The following RUBCNL variants were observed in gnomAD, a reference collection of about 807,000 sequenced individuals.
RUBCNL encodes protein associated with UVRAG as autophagy enhancer.
RUBCNL carries 62 observed loss-of-function variants against 69.5 expected under a neutral mutation model. The ratio of observed to expected loss-of-function variants is 0.89; its 90% CI spans 0.73 to 1.10. The LOEUF (loss-of-function observed/expected upper bound fraction) is 1.10, where lower values mean the gene tolerates loss of function less well. Among genes scored for constraint, RUBCNL ranks in the 50% least tolerant of loss-of-function variants. RUBCNL has a pLI of 0.00. For synonymous variants in RUBCNL, 291 were observed against 303.6 expected, an observed-to-expected ratio of 0.96 and a Z score of 0.43; for missense variants, 768 against 798.1, an observed-to-expected ratio of 0.96 and a Z score of 0.45.
At chr13:46,370,357 A>T (rs922384436) in intron 3 of RUBCNL, among the ~76,000 whole-genome samples, 1 of 152,246 alleles carries the variant, frequency 6.6e-6, no homozygotes, top group Non-Finnish European at 1.5e-5. Context: ...CTTTCCCTAA[A>T]GTATTTTCTG....
At chr13:46,371,324 T>TA (rs2048870480) in intron 3 of RUBCNL, among the ~76,000 whole-genome samples, 1 of 152,224 alleles carries the variant, frequency 6.6e-6, no homozygotes, top group African/African-American at 2.4e-5. Context: ...ATTATAACAA[T>TA]AATAGCTAAT....
chr13:46,353,029 G>A (rs2048404811), intron 10 of RUBCNL, among the ~76,000 whole-genome samples: 1 of 152,170 alleles, frequency 6.6e-6, no homozygotes, highest in Non-Finnish European at 1.5e-5. Flanking sequence ...CACACGAACA[G>A]TATGTAGGCA....
At chr13:46,384,545 G>A (rs534705880) in intron 1 of RUBCNL, among the ~76,000 whole-genome samples, 53 of 151,904 alleles carry the variant, frequency 3.5e-4, no homozygotes, top group South Asian at 1.2e-3. Context: ...GCTTACTGTG[G>A]GTGCTTTTCA....
In RUBCNL at chr13:46,335,252, TTGTTGTTG is replaced by T. The variant is rs1300528120; in HGVS notation, c.*8125_*8132del. On this transcript the variant is annotated 3_prime_UTR_variant, in exon 15 of 15. Transcript: ENST00000429979. Reference sequence around the variant, plus strand: ...GCTAATTTGTGTCTTTTTGTTGTTGTTGTTGTTGTTTTTTTTTTTTTTTTTTTTTTTTT... The same window carrying T: ...GCTAATTTGTGTCTTTTTGTTGTTGTTTTTTTTTTTTTTTTTTTTTTTTTT... 5.0e-5 allele frequency among the ~76,000 whole-genome samples: 6 copies of T among 119,662 alleles called. No individual in the cohort carries two copies. Among genetic ancestry groups the T allele is most frequent in the East Asian group, 5.6e-4 (2 of 3,580 alleles). 78.5% of individuals were successfully genotyped at this position (119,662 alleles called of 152,430 possible).
chr13:46,348,365 C>T (rs538157602), intron 12 of RUBCNL, among the ~76,000 whole-genome samples: 2 of 152,138 alleles, frequency 1.3e-5, no homozygotes, highest in South Asian at 4.2e-4. Context: ...TTAATGATAA[C>T]AATAATAATA....
chr13:46,363,517 G>A (rs2048679188), intron 5 of RUBCNL, among the ~76,000 whole-genome samples: 1 of 152,034 alleles, frequency 6.6e-6, no homozygotes, highest in Non-Finnish European at 1.5e-5. Flanking sequence ...TTAATAATAG[G>A]AAATTGATTT....
intron 9 of RUBCNL, among the ~76,000 whole-genome samples, chr13:46,358,759 T>G (rs1041742733): frequency 2.6e-5 from 4 of 152,108 alleles, no homozygotes; most frequent in African/African-American, 9.7e-5. Flanking sequence ...TTCACCATGT[T>G]GCCCAGGCTG....
chr13:46,349,858 A>C (rs1432667973), intron 11 of RUBCNL, among the ~76,000 whole-genome samples: 1 of 150,032 alleles, frequency 6.7e-6, no homozygotes, highest in African/African-American at 2.5e-5. Context: ...TTTTTTTTTA[A>C]TTTCTAGTAG....
intron 4 of RUBCNL, 128 bp downstream of exon 4, chr13:46,368,605 T>A: frequency 7.7e-7 from 1 of 1,297,728 alleles, no homozygotes. Context: ...GCAGTCTCCA[T>A]CAATCAAATG....
intron 10 of RUBCNL, among the ~76,000 whole-genome samples, chr13:46,352,606 A>G (rs1400093488): frequency 6.6e-6 from 1 of 151,978 alleles, no homozygotes; most frequent in African/African-American, 2.4e-5. Flanking sequence ...GGAATTTGAG[A>G]CCAGCCTGAC....
rs994627872 is a variant in RUBCNL at position 46,337,762 on chromosome 13, C to T, written c.*5623G>A. Among the ~76,000 whole-genome samples the T allele has an allele frequency of 6.6e-6, 1 of 152,226 alleles. No homozygotes were observed. Among genetic ancestry groups the T allele is most frequent in the African/African-American group, 2.4e-5 (1 of 41,520 alleles). Reference sequence around the variant, plus strand: ...GGTTACACTGTAGGAACCAGCCCCACAAAAATCTCAGGAACTGAACAAAAT... The same window carrying T: ...GGTTACACTGTAGGAACCAGCCCCATAAAAATCTCAGGAACTGAACAAAAT... On this transcript the variant is annotated 3_prime_UTR_variant, in exon 15 of 15. Coordinates refer to ENST00000429979, the MANE Select transcript of RUBCNL (RefSeq NM_025113.5).
In RUBCNL at chr13:46,336,292, G is replaced by A. The variant is rs1287740070; in HGVS notation, c.*7093C>T. On this transcript the variant is annotated 3_prime_UTR_variant, in exon 15 of 15. Transcript: ENST00000429979. The stretch of plus-strand genomic sequence containing the variant: ...CTCTACGAAGATGGAGTTTCAGGTG[G>A]TCCCCAACAGCTAATCTGATTTCTC... Among the ~76,000 whole-genome samples the A allele has an allele frequency of 6.6e-6, 1 of 152,128 alleles. No individual in the cohort carries two copies. Among genetic ancestry groups the A allele is most frequent in the South Asian group, 2.1e-4 (1 of 4,830 alleles).
chr13:46,344,741 C>T lies in RUBCNL; in HGVS notation c.1876G>A (p.Ala626Thr). The change falls in exon 14 of 15, where the codon GCG becomes ACG. Residue 626 changes from alanine (A) to threonine (T), a missense_variant and splice_region_variant. Transcript: ENST00000429979. ...FQTATCRRCS[A>T]CRACFHKQCF... is the part of the protein sequence containing the mutation. ...CTTATGTTATTAAGTTATTAAATACCTGAACATCTTCTACATGTTGCTGTC... is the reference window on the plus strand; with the variant it reads ...CTTATGTTATTAAGTTATTAAATACTTGAACATCTTCTACATGTTGCTGTC... 1 of 1,595,014 alleles carries T rather than the reference C, an allele frequency of 6.3e-7. No homozygotes were observed. Among genetic ancestry groups the T allele is most frequent in the South Asian group, 1.1e-5 (1 of 89,044 alleles).
intron 10 of RUBCNL, among the ~76,000 whole-genome samples, chr13:46,351,831 T>C: frequency 6.7e-6 from 1 of 148,260 alleles, no homozygotes; most frequent in Admixed American, 6.7e-5. Flanking sequence ...CTTTACACTT[T>C]TTTTTTTTTT....
intron 9 of RUBCNL, among the ~76,000 whole-genome samples, chr13:46,358,914 T>G (rs2048549450): frequency 6.6e-6 from 1 of 152,168 alleles, no homozygotes; most frequent in Non-Finnish European, 1.5e-5. Flanking sequence ...AAATGTTCCT[T>G]TTTTAGAAGT....
At chr13:46,351,748 C>T (rs2048373043) in intron 10 of RUBCNL, among the ~76,000 whole-genome samples, 1 of 151,712 alleles carries the variant, frequency 6.6e-6, no homozygotes, top group Admixed American at 6.6e-5. Context: ...AACATATATT[C>T]ACTGTCTAAA....
At chr13:46,370,226 CA>C (rs1279817781) in intron 3 of RUBCNL, among the ~76,000 whole-genome samples, 1 of 152,164 alleles carries the variant, frequency 6.6e-6, no homozygotes, top group African/African-American at 2.4e-5. Flanking sequence ...GGATATTTAT[CA>C]GGACACTAAG....
At chr13:46,387,879 C>A, upstream of RUBCNL, 2 of 983,074 alleles carry the variant, frequency 2.0e-6, no homozygotes, top group Non-Finnish European at 2.4e-6. Flanking sequence ...GCTAGGAGAA[C>A]CTGCCAACCA....
chr13:46,359,755 C>T, intron 8 of RUBCNL, 124 bp from the exon 9 acceptor site: 1 of 986,218 alleles, frequency 1.0e-6, no homozygotes, highest in Non-Finnish European at 1.4e-6. Context: ...GTGCTTTTAA[C>T]TGAACTAAAG....
Sources: gnomAD v4.1 joint callset for allele counts (sites outside exome capture counted in the v4.1 genomes callset) on GRCh38, gnomAD v4.1.1 for gene constraint, MANE v1.5 for transcripts, NCBI Gene and HGNC (gene_info 2026-07-23, HGNC 2026-07-21) for gene names.